The following ABCB9 variants were observed in gnomAD, a reference collection of about 807,000 sequenced individuals.
ABCB9 encodes the protein ABC-type oligopeptide transporter ABCB9.
Under a neutral mutation model 62.0 loss-of-function variants are expected in ABCB9, and 36 were observed. The observed-to-expected ratio is 0.58, with a 90% confidence interval of 0.45 to 0.77. ABCB9 has a LOEUF of 0.77. Among genes scored for constraint, ABCB9 ranks in the 30% least tolerant of loss-of-function variants. The pLI is 0.00. For synonymous variants in ABCB9, 435 were observed against 461.4 expected (o/e 0.94, Z 0.73); for missense variants, 943 against 1,054.7 (o/e 0.89, Z 1.47).
rs932128614 is a variant in ABCB9, at chr12:122,962,685, A to C, written c.-87-2363T>G. Among the ~76,000 whole-genome samples the C allele has an allele frequency of 5.9e-5, 9 of 152,330 alleles. No homozygotes were observed. In the Middle Eastern group the frequency reaches 0.014, roughly 230 times the overall value. On this transcript the variant is annotated intron_variant, in intron 1 of 11. Transcript: ENST00000280560. ...ATCTGCCTCTCCACCTGTCTACTGC[A>C]TGCCTGGCACAAAGCAGTTGTCTAA... is the stretch of plus-strand genomic sequence containing the variant.
intron 2 of ABCB9, among the ~76,000 whole-genome samples, chr12:122,955,701 G>GTT (rs1488800976): frequency 6.6e-6 from 1 of 151,282 alleles, no homozygotes; most frequent in African/African-American, 2.4e-5. Flanking sequence ...AGTTTTTTGG[G>GTT]TTTTTGTTTT....
At chr12:122,946,412 G>T in intron 5 of ABCB9, 190 bp from the exon 6 acceptor site, 2 of 617,166 alleles carry the variant, frequency 3.2e-6, no homozygotes, top group Non-Finnish European at 5.7e-6. Context: ...ACACACTCAG[G>T]TAGTCAACTC....
chr12:122,959,153 A>C lies in ABCB9; in HGVS notation c.601+482T>G, dbSNP rs1048603412. Among the ~76,000 whole-genome samples the C allele has an allele frequency of 4.0e-5, 6 of 151,182 alleles. No individual in the cohort carries two copies. Among genetic ancestry groups the C allele is most frequent in the Non-Finnish European group, 8.9e-5 (6 of 67,720 alleles). On this transcript the variant is annotated intron_variant, in intron 2 of 11. Coordinates refer to ENST00000280560, the MANE Select transcript of ABCB9 (RefSeq NM_019625.4). The surrounding 1 kb of genome is among the most constrained non-coding windows in gnomAD (Gnocchi z 5.4). The stretch of plus-strand genomic sequence containing the variant: ...GATCACCTGAGGTCAGGAGTTCAAG[A>C]CCAGCCTGGCCAACATGGCGAAAAC...
chr12:122,967,056 G>A (rs776488756), upstream of ABCB9, among the ~76,000 whole-genome samples: 6 of 152,232 alleles, frequency 3.9e-5, no homozygotes, highest in Non-Finnish European at 5.9e-5. Flanking sequence ...ATATTGGAAG[G>A]GAATACATTT....
chr12:122,936,022 A>G (rs187703943), intron 9 of ABCB9, among the ~76,000 whole-genome samples: 28 of 152,324 alleles, frequency 1.8e-4, no homozygotes, highest in African/African-American at 6.0e-4. Context: ...CCTGGGCAAC[A>G]CAGAAAGACC....
At chr12:122,923,506 G>C (rs531279324) in intron 11 of ABCB9, among the ~76,000 whole-genome samples, 3 of 151,988 alleles carry the variant, frequency 2.0e-5, no homozygotes, top group South Asian at 4.2e-4. Flanking sequence ...AGCCAGGATG[G>C]TCTCCATCTC....
rs1195470307 is a variant in ABCB9, at chr12:122,932,536, A to G, written c.1904-208T>C. The stretch of plus-strand genomic sequence containing the variant: ...AATTGATAGCAAGTTACCAATTTTC[A>G]CTCATTCATTTGGCAGAAACCCAAA... On this transcript the variant is annotated intron_variant, in intron 10 of 11. Coordinates refer to ENST00000280560, the MANE Select transcript of ABCB9 (RefSeq NM_019625.4). This position sits in a 1 kb window ranked among gnomAD's most constrained non-coding sequence, Gnocchi z 4.7. Among the ~76,000 whole-genome samples, 1 of 152,206 alleles carries G rather than the reference A, an allele frequency of 6.6e-6. No homozygotes were observed. Among genetic ancestry groups the G allele is most frequent in the African/African-American group, 2.4e-5 (1 of 41,452 alleles).
At position 122,960,074 on chromosome 12, in the gene ABCB9, G is replaced by A. The variant is rs1452653179; in HGVS notation, c.162C>T (p.Cys54=). Reference sequence around the variant, plus strand: ...CCAGCAGCAGGCAGCTGCGGTACAGGCAGGCTGCCCAGAGATCCAGCACCG... The same window carrying A: ...CCAGCAGCAGGCAGCTGCGGTACAGACAGGCTGCCCAGAGATCCAGCACCG... ...FDSVLDLWAA[C]LYRSCLLLGA... The change falls in exon 2 of 12, where the codon TGC becomes TGT. Residue 54 remains cysteine, a synonymous_variant. Transcript: ENST00000280560. 2 of 1,613,376 alleles carry A rather than the reference G, an allele frequency of 1.2e-6. No individual in the cohort carries two copies. Among genetic ancestry groups the A allele is most frequent in the East Asian group, 4.5e-5 (2 of 44,894 alleles).
chr12:122,960,062 G>C lies in ABCB9; in HGVS notation c.174C>G (p.Ser58Arg). The C allele has an allele frequency of 6.2e-7, 1 of 1,613,528 alleles. No homozygotes were observed. Among genetic ancestry groups the C allele is most frequent in the Non-Finnish European group, 8.5e-7 (1 of 1,180,042 alleles). ...LDLWAACLYR[S>R]CLLLGATIGV... ...CAATGGTGGCTCCCAGCAGCAGGCA[G>C]CTGCGGTACAGGCAGGCTGCCCAGA... Residue 58 changes from serine (S) to arginine (R), a missense_variant, in exon 2 of 12, where the codon AGC becomes AGG. Physicochemically the swap from Ser to Arg is moderately radical, Grantham distance 110 (BLOSUM62 -1). Transcript: ENST00000280560.
At position 122,935,346 on chromosome 12, in the gene ABCB9, T is replaced by A. The variant is rs1566159595; in HGVS notation, c.1829A>T (p.Glu610Val). The A allele has an allele frequency of 1.9e-6, 3 of 1,613,980 alleles. No homozygotes were observed. The highest frequency in any genetic ancestry group is 2.5e-6 in the Non-Finnish European group (3 of 1,179,992). The change falls in exon 10 of 12, where the codon GAG becomes GTG. Residue 610 changes from glutamate to valine, a missense_variant. By Grantham distance (121) the Glu-to-Val change is moderately radical (BLOSUM62 -2). Transcript: ENST00000280560. ...ISYGLPTVPF[E>V]MVVEAAQKAN... ...CTTCTGTGCGGCCTCCACCACCATC[T>A]CGAAAGGCACAGTGGGCAGGCCGTA...
chr12:122,940,123 G>A lies in ABCB9; in HGVS notation c.1731C>T (p.Tyr577=), dbSNP rs1222466226. 6.2e-7 allele frequency: 1 copy of A among 1,611,602 alleles called. No homozygotes were observed. Among genetic ancestry groups the A allele is most frequent in the Non-Finnish European group, 8.5e-7 (1 of 1,179,030 alleles). Residue 577 remains tyrosine, a synonymous_variant, in exon 9 of 12, where the codon TAC becomes TAT. Transcript: ENST00000280560. This position sits in a 1 kb window ranked among gnomAD's most constrained non-coding sequence, Gnocchi z 4.8. ...GKPISAYDHK[Y]LHRVISLVSQ... ...CCCGTGCACATACCACACGGTGCAA[G>A]TACTTGTGGTCGTAGGCGCTGATGG...
downstream of ABCB9, among the ~76,000 whole-genome samples, chr12:122,925,748 A>AAAC (rs749261591): frequency 7.9e-5 from 12 of 152,148 alleles, no homozygotes; most frequent in South Asian, 2.1e-4. Flanking sequence ...ACTCCGTCTC[A>AAAC]AACAACAACA....
Position 122,950,549 on chromosome 12 carries a change from G to A in ABCB9, c.618C>T (p.Pro206=). The part of the protein sequence containing the change: ...IVAALGETFL[P]YYTGRAIDGI... ...CATCAATGGCGCGGCCCGTGTAGTAGGGCAGGAAGGTCTCTCCTGGGGGAG... is the reference window on the plus strand; with the variant it reads ...CATCAATGGCGCGGCCCGTGTAGTAAGGCAGGAAGGTCTCTCCTGGGGGAG... The change falls in exon 3 of 12, where the codon CCC becomes CCT. Residue 206 remains proline (P), a synonymous_variant. Transcript: ENST00000280560. 1.2e-6 allele frequency: 2 copies of A among 1,612,438 alleles called. No individual in the cohort carries two copies. Among genetic ancestry groups the A allele is most frequent in the East Asian group, 2.2e-5 (1 of 44,884 alleles).
intron 5 of ABCB9, chr12:122,948,363 C>T: frequency 2.7e-6 from 1 of 366,424 alleles, no homozygotes; most frequent in Non-Finnish European, 5.0e-6. Flanking sequence ...GCTGTTGGTA[C>T]CTAGTATCTG....
Position 122,940,281 on chromosome 12 carries a change from C to T in ABCB9, c.1573G>A (p.Val525Ile). Residue 525 changes from valine to isoleucine, a missense_variant, in exon 9 of 12, where the codon GTC (valine) becomes ATC (isoleucine). Val to Ile is a conservative substitution (Grantham distance 29). Coordinates refer to ENST00000280560, the MANE Select transcript of ABCB9 (RefSeq NM_019625.4). The surrounding 1 kb of genome is among the most constrained non-coding windows in gnomAD (Gnocchi z 4.8). ...TRPHTQVLQN[V>I]SFSLSPGKVT... ...TTGCCGGGGGACAGGCTGAAGGAGA[C>T]ATTCTGCAAAGAACACACAGGCACA... 6.3e-7 allele frequency: 1 copy of T among 1,590,870 alleles called. No homozygotes were observed. Among genetic ancestry groups the T allele is most frequent in the Non-Finnish European group, 8.6e-7 (1 of 1,167,432 alleles).
At chr12:122,943,055 C>T (rs988757481) in intron 7 of ABCB9, among the ~76,000 whole-genome samples, 5 of 152,264 alleles carry the variant, frequency 3.3e-5, no homozygotes, top group East Asian at 1.9e-4. Context: ...CTGCGGGCTG[C>T]GGGCTTTTTT....
Position 122,932,641 on chromosome 12 carries a change from G to A in ABCB9, c.1904-313C>T, listed in dbSNP as rs10848078. Among the ~76,000 whole-genome samples the A allele has an allele frequency of 8.5e-5, 13 of 152,348 alleles. No individual in the cohort carries two copies. The South Asian group carries it at 1.2e-3, about 15-fold the overall frequency. ...CCTCCTGGAGAAGGGGAGTTGGAGC[G>A]AGCCCCATGGCTTGAAGAGCTGCAG... is the stretch of plus-strand genomic sequence containing the variant. On this transcript the variant is annotated intron_variant, in intron 10 of 11. Coordinates refer to ENST00000280560, the MANE Select transcript of ABCB9 (RefSeq NM_019625.4). This position sits in a 1 kb window ranked among gnomAD's most constrained non-coding sequence, Gnocchi z 4.7.
At chr12:122,961,935 G>A (rs185149899) in intron 1 of ABCB9, among the ~76,000 whole-genome samples, 15 of 152,286 alleles carry the variant, frequency 9.8e-5, no homozygotes, top group South Asian at 8.3e-4. Context: ...CTCCTCCCAC[G>A]TCAGGCCTTC....
chr12:122,941,827 C>A (rs1410100703), intron 7 of ABCB9, among the ~76,000 whole-genome samples: 1 of 152,024 alleles, frequency 6.6e-6, no homozygotes, highest in Non-Finnish European at 1.5e-5. Context: ...CGGGTTCAAG[C>A]AATTCTCCAA....
Sources: allele counts gnomAD v4.1 joint callset (sites outside exome capture counted in the v4.1 genomes callset), GRCh38; gene constraint gnomAD v4.1.1; non-coding constraint Gnocchi (gnomAD v3.1); transcripts MANE v1.5; gene names NCBI Gene and HGNC (gene_info 2026-07-23, HGNC 2026-07-21).